Variants in SH3GLB1 observed in about 807,000 individuals in gnomAD.
SH3GLB1 encodes SH3 domain containing GRB2 like, endophilin B1, also known as endophilin-B1.
Under a neutral mutation model 42.0 loss-of-function variants are expected in SH3GLB1, and 17 were observed. The observed-to-expected ratio is 0.40, with a 90% CI of 0.28 to 0.61. SH3GLB1 has a LOEUF of 0.61. Among genes scored for constraint, SH3GLB1 ranks in the 20% least tolerant of loss-of-function variants. The probability of loss-of-function intolerance (pLI) is 0.36; values close to 1 mark genes in which losing one functional copy is unlikely to be tolerated. For synonymous variants in SH3GLB1, 132 were observed against 146.6 expected (o/e 0.90, Z 0.72); for missense variants, 355 against 426.3 (o/e 0.83, Z 1.47).
At chr1:86,710,214 G>T (rs1371125783) in intron 1 of SH3GLB1, among the ~76,000 whole-genome samples, 1 of 152,046 alleles carries the variant, frequency 6.6e-6, no homozygotes, top group Non-Finnish European at 1.5e-5. Flanking sequence ...CATGAGTAAG[G>T]TAATTAGAAA....
intron 5 of SH3GLB1, 45 bp from the exon 6 acceptor site, chr1:86,734,557 G>T: frequency 2.9e-6 from 4 of 1,374,620 alleles, no homozygotes; most frequent in Non-Finnish European, 4.1e-6. Flanking sequence ...ATATAAGATG[G>T]ACTGAGTCTT....
chr1:86,733,691 T>C lies in SH3GLB1; in HGVS notation c.571-911T>C, dbSNP rs148304447. ...TTTGCCACTATTTGCTATTTTTAGA[T>C]CTTGTTGATTTTTCAGTGAACTGTT... is the stretch of plus-strand genomic sequence containing the variant. On this transcript the variant is annotated intron_variant, in intron 5 of 8. Transcript: ENST00000370558. 3.9e-3 allele frequency among the ~76,000 whole-genome samples: 588 copies of C among 152,288 alleles called. 4 individuals carry two copies. The highest frequency in any genetic ancestry group is 0.034 in the Middle Eastern group (10 of 294).
chr1:86,708,365 A>G (rs1449952662), intron 1 of SH3GLB1, among the ~76,000 whole-genome samples: 7 of 152,304 alleles, frequency 4.6e-5, no homozygotes, highest in South Asian at 4.1e-4. Flanking sequence ...ATAAATAATA[A>G]TTTTCATTCA....
At chr1:86,721,074 T>A (rs1357363334) in intron 3 of SH3GLB1, among the ~76,000 whole-genome samples, 1 of 152,212 alleles carries the variant, frequency 6.6e-6, no homozygotes, top group Non-Finnish European at 1.5e-5. Flanking sequence ...AAGAAGGTTT[T>A]AGCAGAGCAT....
At chr1:86,724,889 A>AT (rs1442297577) in intron 5 of SH3GLB1, among the ~76,000 whole-genome samples, 2,957 of 117,622 alleles carry the variant, frequency 0.025, 48 homozygotes, top group East Asian at 0.068. Flanking sequence ...AAAAAAAAAA[A>AT]AAAATATATA....
intron 5 of SH3GLB1, among the ~76,000 whole-genome samples, chr1:86,724,910 T>TATATATATATATATATATATATATAA (rs1655101375): frequency 7.4e-6 from 1 of 135,094 alleles, no homozygotes; most frequent in Non-Finnish European, 1.5e-5. Flanking sequence ...TATATATATA[T>TATATATATATATATATATATATATAA]ATAAAATATA....
chr1:86,730,423 C>T (rs951185020), intron 5 of SH3GLB1: 1 of 949,932 alleles, frequency 1.1e-6, no homozygotes, highest in African/African-American at 1.8e-5. Flanking sequence ...TTTTTAATAA[C>T]AATTTTTAAA....
At chr1:86,712,707 A>G (rs1654281401) in intron 1 of SH3GLB1, among the ~76,000 whole-genome samples, 1 of 152,194 alleles carries the variant, frequency 6.6e-6, no homozygotes, top group African/African-American at 2.4e-5. Flanking sequence ...GGTTTTCTGT[A>G]ATTAGACTGT....
At chr1:86,738,398 G>A (rs1187710543) in intron 7 of SH3GLB1, among the ~76,000 whole-genome samples, 2 of 150,296 alleles carry the variant, frequency 1.3e-5, no homozygotes, top group Admixed American at 6.6e-5. Context: ...CCCGAGTAGC[G>A]GGGACTACAG....
chr1:86,742,276 A>T lies in SH3GLB1; in HGVS notation c.830A>T (p.Asn277Ile). ...SVTPVPSVLP[N>I]AIGSSAMAST... ...ACACCTGTACCATCAGTTTTACCAA[A>T]TGCGATTGGTTCTTCTGCCATGGCT... The change falls in exon 8 of 9, where the codon AAT (asparagine) becomes ATT (isoleucine). Residue 277 changes from asparagine to isoleucine, a missense_variant. Physicochemically the swap from Asn to Ile is moderately radical, Grantham distance 149. Coordinates refer to ENST00000370558, the MANE Select transcript of SH3GLB1 (RefSeq NM_016009.5). 6.2e-7 allele frequency: 1 copy of T among 1,614,156 alleles called. No homozygotes were observed.
At chr1:86,713,316 A>G (rs1476649634) in intron 1 of SH3GLB1, among the ~76,000 whole-genome samples, 1 of 151,996 alleles carries the variant, frequency 6.6e-6, no homozygotes, top group Non-Finnish European at 1.5e-5. Flanking sequence ...TCCTGAGCTC[A>G]AGTGATCTGC....
In SH3GLB1 at chr1:86,742,285, GTTC is replaced by G. The variant is rs765324515; in HGVS notation, c.844_846del (p.Ser282del). On this transcript the variant is annotated inframe_deletion, in exon 8 of 9. Coordinates refer to ENST00000370558, the MANE Select transcript of SH3GLB1 (RefSeq NM_016009.5). Reference sequence around the variant, plus strand: ...CCATCAGTTTTACCAAATGCGATTGGTTCTTCTGCCATGGCTTCAACAAGTGGC... The same window carrying G: ...CCATCAGTTTTACCAAATGCGATTGGTTCTGCCATGGCTTCAACAAGTGGC... The G allele has an allele frequency of 2.0e-5, 32 of 1,613,974 alleles. No individual in the cohort carries two copies. The highest frequency in any genetic ancestry group is 2.6e-5 in the Non-Finnish European group (31 of 1,180,020).
intron 7 of SH3GLB1, among the ~76,000 whole-genome samples, chr1:86,735,858 T>C (rs1210561945): frequency 6.6e-6 from 1 of 152,028 alleles, no homozygotes; most frequent in East Asian, 1.9e-4. Flanking sequence ...TTAGCCTAGG[T>C]AGAAATACAA....
intron 5 of SH3GLB1, chr1:86,729,976 GAA>G (rs976628379): frequency 3.8e-6 from 4 of 1,043,830 alleles, no homozygotes; most frequent in Non-Finnish European, 5.5e-6. Context: ...ATATGATTCT[GAA>G]AAAGAGTATG....
rs187813519 is a variant in SH3GLB1, at chr1:86,738,465, C to T, written c.761+3286C>T. Among the ~76,000 whole-genome samples the T allele has an allele frequency of 2.3e-3, 350 of 152,026 alleles. 3 individuals are homozygous for T. Among genetic ancestry groups the T allele is most frequent in the African/African-American group, 8.0e-3 (333 of 41,448 alleles). On this transcript the variant is annotated intron_variant, in intron 7 of 8. Coordinates refer to ENST00000370558, the MANE Select transcript of SH3GLB1 (RefSeq NM_016009.5). ...TATTTTTAGTAGAGACAGGGTTTCA[C>T]CGTGTTAGCCAGGATGGTCTCGATC...
rs147517514 is a variant in SH3GLB1 at position 86,716,379 on chromosome 1, A to G, written c.214+514A>G. On this transcript the variant is annotated intron_variant, in intron 2 of 8. Coordinates refer to ENST00000370558, the MANE Select transcript of SH3GLB1 (RefSeq NM_016009.5). ...AACCTCCACCTCCCAGGTTGAAGCAATTCTTCTGCCTCAGCCTCCCAAGTA... is the reference window on the plus strand; with the variant it reads ...AACCTCCACCTCCCAGGTTGAAGCAGTTCTTCTGCCTCAGCCTCCCAAGTA... Among the ~76,000 whole-genome samples, 1,091 of 152,138 alleles carry G rather than the reference A, an allele frequency of 7.2e-3. 6 individuals carry two copies. Among genetic ancestry groups the G allele is most frequent in the Non-Finnish European group, 0.011 (750 of 68,008 alleles).
At chr1:86,718,096 G>A (rs1003979508) in intron 2 of SH3GLB1, among the ~76,000 whole-genome samples, 5 of 150,926 alleles carry the variant, frequency 3.3e-5, no homozygotes, top group Non-Finnish European at 7.4e-5. Context: ...CTGGAGTGCA[G>A]TGGCACAATC....
intron 1 of SH3GLB1, among the ~76,000 whole-genome samples, chr1:86,706,117 C>T (rs763703639): frequency 6.6e-6 from 1 of 152,210 alleles, no homozygotes; most frequent in Non-Finnish European, 1.5e-5. Context: ...TTTTCCATAA[C>T]TTTGCCAGAT....
chr1:86,738,132 C>T (rs1056510572), intron 7 of SH3GLB1, among the ~76,000 whole-genome samples: 7 of 152,104 alleles, frequency 4.6e-5, no homozygotes, highest in Non-Finnish European at 8.8e-5. Context: ...AAACTTATTG[C>T]AATAATGTAG....
Sources: gnomAD v4.1 joint callset for allele counts (sites outside exome capture counted in the v4.1 genomes callset) on GRCh38, gnomAD v4.1.1 for gene constraint, MANE v1.5 for transcripts, NCBI Gene and HGNC (gene_info 2026-07-23, HGNC 2026-07-21) for gene names.